RBFOX1: variants seen among roughly 807,000 people sequenced by gnomAD.
The protein encoded by RBFOX1 is RNA binding protein fox-1 homolog 1.
Under a neutral mutation model 57.7 loss-of-function variants are expected in RBFOX1, and 8 were observed. The observed-to-expected ratio is 0.14, with a 90% confidence interval of 0.08 to 0.25. RBFOX1 has a LOEUF of 0.25. Ranked by LOEUF, RBFOX1 falls within the 10% of genes least tolerant of loss-of-function variation. RBFOX1 has a pLI of 1.00. For synonymous variants in RBFOX1, 326 were observed against 222.4 expected, an observed-to-expected ratio of 1.47 and a Z score of -4.15; for missense variants, 611 against 548.5, an observed-to-expected ratio of 1.11 and a Z score of -1.14.
At chr16:5,372,544 C>A (rs1172312717) in intron 1 of RBFOX1, among the ~76,000 whole-genome samples, 2 of 152,200 alleles carry the variant, frequency 1.3e-5, no homozygotes, top group Admixed American at 6.5e-5. Flanking sequence ...GGTTGGCCTA[C>A]ACTTCTGCTG....
At position 6,936,993 on chromosome 16, in the gene RBFOX1, G is replaced by C. The variant is rs1001574761; in HGVS notation, c.-15-115064G>C. Among the ~76,000 whole-genome samples the C allele has an allele frequency of 4.6e-5, 7 of 151,502 alleles. No individual in the cohort carries two copies. In the South Asian group the frequency reaches 1.0e-3, roughly 23 times the overall value. Reference sequence around the variant, plus strand: ...GCATTGGGAGATATACCTAATGCTAGATGACGAGTTAGTGGGGGTAGCACA... The same window carrying C: ...GCATTGGGAGATATACCTAATGCTACATGACGAGTTAGTGGGGGTAGCACA... On this transcript the variant is annotated intron_variant, in intron 3 of 15. Coordinates refer to ENST00000550418, the MANE Select transcript of RBFOX1 (RefSeq NM_018723.4).
intron 3 of RBFOX1, among the ~76,000 whole-genome samples, chr16:5,700,037 T>G (rs1482116039): frequency 6.6e-6 from 1 of 152,158 alleles, no homozygotes; most frequent in Admixed American, 6.5e-5. Flanking sequence ...TTTTACCGTG[T>G]TAGCCAGGAT....
At chr16:5,598,634 G>C (rs2047265617) in intron 2 of RBFOX1, among the ~76,000 whole-genome samples, 1 of 151,972 alleles carries the variant, frequency 6.6e-6, no homozygotes, top group African/African-American at 2.4e-5. Flanking sequence ...TCTTCATCAT[G>C]TCCTGAAAAC....
chr16:5,371,425 G>T (rs2065854015), intron 1 of RBFOX1, among the ~76,000 whole-genome samples: 1 of 152,198 alleles, frequency 6.6e-6, no homozygotes, highest in Admixed American at 6.5e-5. Flanking sequence ...AAGTCCAGGA[G>T]AGGCCTCAAG....
intron 4 of RBFOX1, among the ~76,000 whole-genome samples, chr16:5,918,181 A>C (rs1477238708): frequency 6.6e-6 from 1 of 152,162 alleles, no homozygotes; most frequent in Non-Finnish European, 1.5e-5. Context: ...ATGCAGTGGC[A>C]CAATCTCAGG....
At chr16:5,950,361 C>T (rs902805488) in intron 4 of RBFOX1, among the ~76,000 whole-genome samples, 1 of 152,316 alleles carries the variant, frequency 6.6e-6, no homozygotes, top group African/African-American at 2.4e-5. Flanking sequence ...ATCAATCTTT[C>T]ACCCAGTGGT....
intron 1 of RBFOX1, among the ~76,000 whole-genome samples, chr16:6,125,284 T>A (rs967008798): frequency 5.3e-5 from 8 of 152,152 alleles, no homozygotes; most frequent in Non-Finnish European, 8.8e-5. Flanking sequence ...AGTCACTAGA[T>A]GGAGGAGGAT....
intron 5 of RBFOX1, among the ~76,000 whole-genome samples, chr16:7,528,795 A>G (rs1311934487): frequency 6.6e-6 from 1 of 152,182 alleles, no homozygotes; most frequent in African/African-American, 2.4e-5. Flanking sequence ...TATGAATTCC[A>G]TGCAATTTTT....
At chr16:6,828,450 G>C (rs2092405926) in intron 3 of RBFOX1, among the ~76,000 whole-genome samples, 1 of 151,976 alleles carries the variant, frequency 6.6e-6, no homozygotes, top group African/African-American at 2.4e-5. Context: ...CTTGAACCCA[G>C]GAGGAAGAGG....
chr16:6,376,515 G>T (rs755640362), intron 2 of RBFOX1, among the ~76,000 whole-genome samples: 13 of 152,154 alleles, frequency 8.5e-5, no homozygotes, highest in Admixed American at 1.3e-4. Context: ...GCATTCTGCG[G>T]CTTGCAGCTG....
At chr16:5,295,436 G>A (rs1375351625) in intron 1 of RBFOX1, among the ~76,000 whole-genome samples, 2 of 152,218 alleles carry the variant, frequency 1.3e-5, no homozygotes, top group Non-Finnish European at 2.9e-5. Flanking sequence ...GAATCTAGGC[G>A]TGACTCAGCT....
chr16:5,547,935 A>C (rs897889141), intron 2 of RBFOX1, among the ~76,000 whole-genome samples: 56 of 152,026 alleles, frequency 3.7e-4, no homozygotes, highest in African/African-American at 1.2e-3. Context: ...TAAGGTGGGC[A>C]GATCCCCTGA....
chr16:6,147,076 C>G (rs1057131847), intron 1 of RBFOX1, among the ~76,000 whole-genome samples: 2 of 152,220 alleles, frequency 1.3e-5, no homozygotes, highest in African/African-American at 4.8e-5. Flanking sequence ...GACTCAGGCC[C>G]CAGCTTCCAC....
At chr16:7,177,471 C>G (rs1226316560) in intron 4 of RBFOX1, among the ~76,000 whole-genome samples, 3 of 147,604 alleles carry the variant, frequency 2.0e-5, no homozygotes, top group Admixed American at 6.7e-5. Flanking sequence ...TAAATGGGTA[C>G]AGATAGTATG....
intron 2 of RBFOX1, among the ~76,000 whole-genome samples, chr16:6,425,414 G>C (rs2093896942): frequency 1.3e-5 from 2 of 152,172 alleles, no homozygotes; most frequent in African/African-American, 4.8e-5. Context: ...AATGGCAGTA[G>C]TGTTCAATTT....
intron 3 of RBFOX1, among the ~76,000 whole-genome samples, chr16:6,780,560 ATT>A (rs2080827556): frequency 9.1e-6 from 1 of 110,214 alleles, no homozygotes; most frequent in East Asian, 4.7e-4. Context: ...ATATTTACAT[ATT>A]TATATATATT....
At chr16:6,637,605 A>G (rs2098456329) in intron 2 of RBFOX1, among the ~76,000 whole-genome samples, 1 of 29,958 alleles carries the variant, frequency 3.3e-5, no homozygotes. Flanking sequence ...ATATATTAGA[A>G]TGTGCATTTA....
intron 4 of RBFOX1, among the ~76,000 whole-genome samples, chr16:7,210,552 C>T (rs1405750576): frequency 3.3e-5 from 5 of 152,182 alleles, no homozygotes; most frequent in South Asian, 2.1e-4. Flanking sequence ...ATGGAATAAA[C>T]GGATACTGTA....
chr16:5,903,705 C>T lies in RBFOX1; in HGVS notation c.351+36370C>T, dbSNP rs370066966. Among the ~76,000 whole-genome samples, 35 of 152,238 alleles carry T rather than the reference C, an allele frequency of 2.3e-4. No individual in the cohort carries two copies. The South Asian group carries it at 7.3e-3, about 32-fold the overall frequency. On this transcript the variant is annotated intron_variant, in intron 4 of 19. Transcript: ENST00000641259. ...TTTATGCTTGGCCTTAGATATGTGA[C>T]CCCATTTCACCACTTTGTCTCTCCT...
Sources: gnomAD v4.1 joint callset for allele counts (sites outside exome capture counted in the v4.1 genomes callset) on GRCh38, gnomAD v4.1.1 for gene constraint, MANE v1.5 for transcripts, NCBI Gene and HGNC (gene_info 2026-07-23, HGNC 2026-07-21) for gene names.